The following MATN2 variants were observed in gnomAD, a reference collection of about 807,000 sequenced individuals.
The protein encoded by MATN2 is matrilin-2.
In MATN2, 69 loss-of-function variants were observed where a neutral mutation model predicts 103.2. That is an observed-to-expected ratio of 0.67 (90% CI 0.55 to 0.82). MATN2 has a LOEUF of 0.82. MATN2 is among the 40% of genes least tolerant of loss of function. MATN2 has a pLI of 0.00. For synonymous variants in MATN2, 429 were observed against 450.2 expected, an observed-to-expected ratio of 0.95 and a Z score of 0.60; for missense variants, 1,023 against 1,211.5, an observed-to-expected ratio of 0.84 and a Z score of 2.31.
intron 4 of MATN2, among the ~76,000 whole-genome samples, chr8:97,950,112 G>A (rs372962099): frequency 1.3e-5 from 2 of 152,116 alleles, no homozygotes; most frequent in Non-Finnish European, 2.9e-5. Context: ...TGATAAGCCC[G>A]ATTTATCAAA....
chr8:97,895,062 G>A (rs1490830985), intron 2 of MATN2, among the ~76,000 whole-genome samples: 4 of 151,974 alleles, frequency 2.6e-5, no homozygotes, highest in South Asian at 2.1e-4. Flanking sequence ...TAGTAGAGAC[G>A]GGGTTTCATC....
chr8:97,935,726 A>G (rs1409206339), intron 3 of MATN2, among the ~76,000 whole-genome samples: 1 of 152,200 alleles, frequency 6.6e-6, no homozygotes, highest in Non-Finnish European at 1.5e-5. Context: ...GGGCTCAAGC[A>G]GCTCTCCTGC....
chr8:97,914,608 C>T (rs569179235), intron 2 of MATN2, among the ~76,000 whole-genome samples: 2 of 152,014 alleles, frequency 1.3e-5, no homozygotes, highest in Admixed American at 1.3e-4. Flanking sequence ...CTTGCCTCAG[C>T]CTCCCAAAGT....
At chr8:97,911,088 A>G (rs1383734671) in intron 2 of MATN2, among the ~76,000 whole-genome samples, 3 of 152,128 alleles carry the variant, frequency 2.0e-5, no homozygotes, top group African/African-American at 7.2e-5. Context: ...TCCCGCCTTC[A>G]AGCGTTTCTC....
intron 10 of MATN2, among the ~76,000 whole-genome samples, chr8:98,012,360 A>G (rs1813199459): frequency 6.6e-6 from 1 of 151,862 alleles, no homozygotes; most frequent in South Asian, 2.1e-4. Flanking sequence ...CCGTGGGAGC[A>G]CCCCCTAGTC....
chr8:98,025,724 C>T (rs772367030), intron 13 of MATN2: 83 of 430,922 alleles, frequency 1.9e-4, no homozygotes, highest in African/African-American at 9.6e-4. Flanking sequence ...CCAGCCTGGG[C>T]GACACAGCAA....
At chr8:97,921,528 G>A (rs1809806458) in intron 2 of MATN2, among the ~76,000 whole-genome samples, 1 of 152,152 alleles carries the variant, frequency 6.6e-6, no homozygotes, top group Non-Finnish European at 1.5e-5. Flanking sequence ...TTAATCAAGT[G>A]CCCTAAATGC....
intron 4 of MATN2, among the ~76,000 whole-genome samples, chr8:97,957,505 C>G (rs924462772): frequency 6.6e-6 from 1 of 152,188 alleles, no homozygotes; most frequent in Non-Finnish European, 1.5e-5. Context: ...AAATCCCCAA[C>G]AATTCTAAAA....
intron 6 of MATN2, among the ~76,000 whole-genome samples, chr8:97,981,502 A>G (rs921728344): frequency 4.6e-5 from 7 of 152,192 alleles, no homozygotes; most frequent in African/African-American, 1.7e-4. Context: ...TTCCACTGCA[A>G]GCTGGTGAGG....
intron 3 of MATN2, among the ~76,000 whole-genome samples, chr8:97,939,114 TG>T (rs34401747): frequency 0.16 from 23,920 of 151,906 alleles, 2,322 homozygotes; most frequent in African/African-American, 0.25. Context: ...TGACCTCAAC[TG>T]ATCCACCCAC....
chr8:97,982,412 T>TG lies in MATN2; in HGVS notation c.1081+3405dup, dbSNP rs1443916987. Among the ~76,000 whole-genome samples, 2 of 152,242 alleles carry TG rather than the reference T, an allele frequency of 1.3e-5. No individual in the cohort carries two copies. The highest frequency in any genetic ancestry group is 4.8e-5 in the African/African-American group (2 of 41,462). On this transcript the variant is annotated intron_variant, in intron 6 of 18. Transcript: ENST00000254898. The surrounding 1 kb of genome is among the most constrained non-coding windows in gnomAD (Gnocchi z 4.3). ...CCAGCCAAGTCGGCCTGGTTACTGCTGTGATGTTGAAAGATTTTTTTTTAA... is the reference window on the plus strand; with the variant it reads ...CCAGCCAAGTCGGCCTGGTTACTGCTGGTGATGTTGAAAGATTTTTTTTTAA...
chr8:97,951,450 G>A (rs944296085), intron 4 of MATN2, among the ~76,000 whole-genome samples: 2 of 152,098 alleles, frequency 1.3e-5, no homozygotes, highest in Non-Finnish European at 2.9e-5. Flanking sequence ...TGGTCCCCCC[G>A]GAAAACAATA....
intron 2 of MATN2, among the ~76,000 whole-genome samples, chr8:97,917,666 G>T (rs980401214): frequency 3.3e-5 from 5 of 152,194 alleles, no homozygotes; most frequent in African/African-American, 9.7e-5. Context: ...GGGTGTATGT[G>T]GGGGAAGACC....
chr8:97,998,519 CAAAAAA>C (rs58751449), intron 7 of MATN2, among the ~76,000 whole-genome samples: 10 of 111,218 alleles, frequency 9.0e-5, no homozygotes, highest in South Asian at 6.8e-4. Flanking sequence ...GACTCTGTCT[CAAAAAA>C]AAAAAAAAAA....
At chr8:98,030,814 C>A (rs1813988742) in intron 15 of MATN2, among the ~76,000 whole-genome samples, 200 bp downstream of exon 15, 1 of 152,054 alleles carries the variant, frequency 6.6e-6, no homozygotes, top group South Asian at 2.1e-4. Context: ...AGGCACCCAC[C>A]ACCACACCCA....
At chr8:97,959,534 A>C (rs1811240956) in intron 4 of MATN2, among the ~76,000 whole-genome samples, 4 of 152,196 alleles carry the variant, frequency 2.6e-5, no homozygotes, top group Admixed American at 2.6e-4. Context: ...TCTACATTGG[A>C]CTTTCTGGTT....
intron 3 of MATN2, among the ~76,000 whole-genome samples, chr8:97,941,174 AAAAAAAAAAAAG>A (rs1164794866): frequency 3.4e-5 from 5 of 147,542 alleles, no homozygotes; most frequent in South Asian, 2.2e-4. Flanking sequence ...AAAAAAAAAA[AAAAAAAAAAAAG>A]AAAGAAAGAA....
At chr8:97,886,691 C>A (rs1216190319) in intron 1 of MATN2, among the ~76,000 whole-genome samples, 2 of 152,094 alleles carry the variant, frequency 1.3e-5, no homozygotes, top group African/African-American at 4.8e-5. Context: ...TTTCTGGAAG[C>A]AATTTGCTGA....
chr8:97,997,076 A>G (rs1387482428), intron 7 of MATN2, among the ~76,000 whole-genome samples: 2 of 152,230 alleles, frequency 1.3e-5, no homozygotes, highest in Non-Finnish European at 2.9e-5. Flanking sequence ...AGTTTAAGGC[A>G]TGAATTATTA....
Sources: allele counts gnomAD v4.1 joint callset (sites outside exome capture counted in the v4.1 genomes callset), GRCh38; gene constraint gnomAD v4.1.1; non-coding constraint Gnocchi (gnomAD v3.1); transcripts MANE v1.5; gene names NCBI Gene and HGNC (gene_info 2026-07-23, HGNC 2026-07-21).